Variants in TANC2 observed in about 807,000 individuals in gnomAD.
The protein encoded by TANC2 is tetratricopeptide repeat, ankyrin repeat and coiled-coil containing 2.
TANC2 carries 26 observed loss-of-function variants against 210.5 expected under a neutral mutation model. The ratio of observed to expected loss-of-function variants is 0.12; its 90% confidence interval spans 0.09 to 0.17. The LOEUF (loss-of-function observed/expected upper bound fraction) is 0.17, where lower values mean the gene tolerates loss of function less well. TANC2 is among the 10% of genes least tolerant of loss of function. The probability of loss-of-function intolerance (pLI) is 1.00; values close to 1 mark genes in which losing one functional copy is unlikely to be tolerated. For synonymous variants in TANC2, 931 were observed against 967.1 expected (o/e 0.96, Z 0.69); for missense variants, 2,129 against 2,608.9 (o/e 0.82, Z 4.01).
intron 3 of TANC2, among the ~76,000 whole-genome samples, chr17:63,093,059 T>C (rs2037262494): frequency 1.3e-5 from 2 of 152,144 alleles, no homozygotes; most frequent in South Asian, 4.1e-4. Flanking sequence ...AACACTATCA[T>C]TTGAAGAGTA....
At chr17:63,364,140 T>C (rs2047042978) in intron 14 of TANC2, among the ~76,000 whole-genome samples, 1 of 152,272 alleles carries the variant, frequency 6.6e-6, no homozygotes, top group African/African-American at 2.4e-5. Flanking sequence ...CCCAATGTCA[T>C]GGTTTTGTGA....
intron 5 of TANC2, chr17:63,153,771 A>G (rs912507404): frequency 2.6e-4 from 39 of 152,138 alleles, no homozygotes; most frequent in African/African-American, 9.4e-4. Context: ...TTTCTGTGTT[A>G]TCTAAACTTA....
chr17:63,425,876 G>C (rs916146157), exon 28 of TANC2: 1 of 152,300 alleles, frequency 6.6e-6, no homozygotes, highest in African/African-American at 2.4e-5. Flanking sequence ...CCTCCCTCCT[G>C]TCAGTTCCTC....
intron 5 of TANC2, among the ~76,000 whole-genome samples, chr17:63,184,723 G>A (rs1023044000): frequency 1.3e-5 from 2 of 149,282 alleles, no homozygotes; most frequent in Non-Finnish European, 3.0e-5. Context: ...GCACGATCTC[G>A]GCTCACTGCA....
intron 5 of TANC2, among the ~76,000 whole-genome samples, chr17:63,167,884 CAAAAAA>C (rs760465295): frequency 1.6e-5 from 1 of 63,990 alleles, no homozygotes; most frequent in Non-Finnish European, 2.8e-5. Context: ...GACTCTGTCT[CAAAAAA>C]AAAAAAAAAA....
At chr17:63,398,437 C>G (rs987992081) in intron 18 of TANC2, among the ~76,000 whole-genome samples, 16 of 146,470 alleles carry the variant, frequency 1.1e-4, no homozygotes, top group Admixed American at 8.9e-4. Context: ...GTCTAGGTGA[C>G]AGAACGAGAC....
intron 22 of TANC2, 37 bp downstream of exon 22, chr17:63,411,723 G>A: frequency 6.3e-7 from 1 of 1,579,226 alleles, no homozygotes; most frequent in South Asian, 1.2e-5. Context: ...AGAGCAGAGA[G>A]AGGGGCTATT....
chr17:63,256,078 G>C lies in TANC2; in HGVS notation c.1034-11670G>C, dbSNP rs185850782. On this transcript the variant is annotated intron_variant, in intron 8 of 27. Coordinates refer to ENST00000689528, the Ensembl canonical transcript of TANC2. ...CCACCACCACGCCTGGCTAATTTTT[G>C]TATTTTTAGTAGAGGCAGGGTTTCA... Among the ~76,000 whole-genome samples, 442 of 151,698 alleles carry C rather than the reference G, an allele frequency of 2.9e-3. 1 individual carries two copies. Among genetic ancestry groups the C allele is most frequent in the African/African-American group, 0.01 (424 of 41,396 alleles).
intron 2 of TANC2, among the ~76,000 whole-genome samples, chr17:63,023,060 A>G (rs1009789305): frequency 1.2e-4 from 18 of 152,252 alleles, no homozygotes; most frequent in Admixed American, 4.6e-4. Flanking sequence ...CCACAGGCCC[A>G]GGCAAAAACT....
intron 2 of TANC2, among the ~76,000 whole-genome samples, chr17:63,013,174 G>A (rs2143875818): frequency 6.6e-6 from 1 of 151,962 alleles, no homozygotes; most frequent in African/African-American, 2.4e-5. Context: ...CCGGACTCAG[G>A]TGATCCTCCT....
At chr17:62,999,215 G>T (rs2033257878) in intron 1 of TANC2, among the ~76,000 whole-genome samples, 1 of 152,136 alleles carries the variant, frequency 6.6e-6, no homozygotes, top group South Asian at 2.1e-4. Flanking sequence ...AACACACACT[G>T]TCTCTCACTC....
At chr17:63,319,135 A>G (rs1295088781) in intron 11 of TANC2, 45 bp downstream of exon 11, 1 of 1,572,982 alleles carries the variant, frequency 6.4e-7, no homozygotes, top group Non-Finnish European at 8.6e-7. Flanking sequence ...TTCCATTTTA[A>G]TATCAAGGAA....
rs201127113 is a variant in TANC2, at chr17:63,412,030, C to G, written c.3798C>G (p.Ile1266Met). Reference sequence around the variant, plus strand: ...TCCTGGTAGATCATGGGGCCATGATCGAGCACGTTGACTACAGTGGAATGC... The same window carrying G: ...TCCTGGTAGATCATGGGGCCATGATGGAGCACGTTGACTACAGTGGAATGC... The change falls in exon 23 of 28, where the codon ATC (isoleucine) becomes ATG (methionine). Residue 1266 changes from isoleucine (I) to methionine (M), a missense_variant. Ile to Met is a conservative substitution (Grantham distance 10). Coordinates refer to ENST00000689528, the Ensembl canonical transcript of TANC2. The surrounding 1 kb of genome is among the most constrained non-coding windows in gnomAD (Gnocchi z 4.2). 3.1e-6 allele frequency: 5 copies of G among 1,613,848 alleles called. No homozygotes were observed. The highest frequency in any genetic ancestry group is 1.7e-5 in the Admixed American group (1 of 60,000).
intron 4 of TANC2, among the ~76,000 whole-genome samples, chr17:63,129,084 C>T (rs1269626759): frequency 6.6e-6 from 1 of 152,064 alleles, no homozygotes; most frequent in Non-Finnish European, 1.5e-5. Flanking sequence ...CACACTGCAG[C>T]CACAATCTCC....
At chr17:63,263,016 A>G (rs2043415210) in intron 8 of TANC2, among the ~76,000 whole-genome samples, 1 of 152,152 alleles carries the variant, frequency 6.6e-6, no homozygotes, top group South Asian at 2.1e-4. Flanking sequence ...TAGCTTTCAA[A>G]TACTTATTTC....
intron 9 of TANC2, among the ~76,000 whole-genome samples, chr17:63,283,318 T>A (rs1449617866): frequency 6.6e-6 from 1 of 152,014 alleles, no homozygotes; most frequent in East Asian, 1.9e-4. Context: ...TTCACTTATC[T>A]AATAATATTC....
At chr17:63,061,081 T>C (rs796272032) in intron 2 of TANC2, among the ~76,000 whole-genome samples, 6 of 151,998 alleles carry the variant, frequency 3.9e-5, no homozygotes, top group African/African-American at 1.4e-4. Context: ...ATTTTAAAGA[T>C]TATGGCCAGG....
intron 1 of TANC2, among the ~76,000 whole-genome samples, chr17:62,987,656 G>T (rs979452961): frequency 5.3e-5 from 8 of 152,172 alleles, no homozygotes; most frequent in Admixed American, 1.3e-4. Context: ...GGCTACAGAG[G>T]CTGGGTACCT....
At chr17:63,039,316 T>A (rs2035092633) in intron 2 of TANC2, among the ~76,000 whole-genome samples, 1 of 152,208 alleles carries the variant, frequency 6.6e-6, no homozygotes, top group African/African-American at 2.4e-5. Flanking sequence ...TTTGGCTACT[T>A]AATAGAGACA....
Sources: allele counts gnomAD v4.1 joint callset (sites outside exome capture counted in the v4.1 genomes callset), GRCh38; gene constraint gnomAD v4.1.1; non-coding constraint Gnocchi (gnomAD v3.1); transcripts MANE v1.5; gene names NCBI Gene and HGNC (gene_info 2026-07-23, HGNC 2026-07-21).